DMD: variants seen among roughly 807,000 people sequenced by gnomAD.
The protein encoded by DMD is dystrophin, also known as mutant dystrophin.
In DMD, 63 loss-of-function variants were observed where a neutral mutation model predicts 330.1. The ratio of observed to expected loss-of-function variants is 0.19; its 90% CI spans 0.16 to 0.24. DMD has a LOEUF of 0.24. Ranked by LOEUF, DMD falls within the 10% of genes least tolerant of loss-of-function variation. The probability of loss-of-function intolerance (pLI) is 1.00; values close to 1 mark genes in which losing one functional copy is unlikely to be tolerated. For missense variants in DMD, 3,344 were observed against 2,684.1 expected (o/e 1.25, Z -5.43); for synonymous variants, 1,223 against 959.8 (o/e 1.27, Z -5.07).
intron 60 of DMD, among the ~76,000 whole-genome samples, chrX:31,442,402 C>T (rs1036532493): frequency 9.8e-5 from 11 of 111,700 alleles, no homozygotes; most frequent in Non-Finnish European, 1.7e-4. Context: ...CTATATCATA[C>T]TATCTCCTTA....
chrX:32,694,436 T>C (rs1251377190), intron 9 of DMD, among the ~76,000 whole-genome samples: 7 of 111,612 alleles, frequency 6.3e-5, no homozygotes, highest in Admixed American at 9.5e-5. Context: ...CCATCTTGGT[T>C]TGTGGCAACT....
At chrX:32,664,522 T>A (rs1313334224) in intron 9 of DMD, among the ~76,000 whole-genome samples, 2 of 110,608 alleles carry the variant, frequency 1.8e-5, no homozygotes, top group Non-Finnish European at 3.8e-5. Flanking sequence ...ATTACAGGCG[T>A]GAGCCACCGC....
At chrX:31,744,718 C>T (rs2087679014) in intron 51 of DMD, among the ~76,000 whole-genome samples, 1 of 112,292 alleles carries the variant, frequency 8.9e-6, no homozygotes, top group South Asian at 3.6e-4. Flanking sequence ...CATACTCCTC[C>T]TAATTTTGCA....
chrX:31,931,494 C>G (rs923823291), intron 46 of DMD, among the ~76,000 whole-genome samples: 1 of 110,325 alleles, frequency 9.1e-6, no homozygotes. Context: ...TCCCACACCC[C>G]CAGACAAATC....
At chrX:32,047,356 T>C (rs2096071267) in intron 44 of DMD, among the ~76,000 whole-genome samples, 1 of 111,464 alleles carries the variant, frequency 9.0e-6, no homozygotes, top group African/African-American at 3.3e-5. Context: ...ACATTATCTC[T>C]CCCATCCTAA....
At chrX:31,495,700 G>T (rs2069773549) in intron 57 of DMD, among the ~76,000 whole-genome samples, 1 of 111,505 alleles carries the variant, frequency 9.0e-6, no homozygotes, top group Non-Finnish European at 1.9e-5. Context: ...TTTTTTCATA[G>T]ACCTACCCCA....
Position 31,330,955 on chromosome X carries a change from G to A in DMD, c.9164-7297C>T, listed in dbSNP as rs193172305. On this transcript the variant is annotated intron_variant, in intron 61 of 78. Transcript: ENST00000357033. Reference sequence around the variant, plus strand: ...GGATAGTGCTTTATATGTCTATATCGTATATCAAAAGTAAAGATTCAATGA... The same window carrying A: ...GGATAGTGCTTTATATGTCTATATCATATATCAAAAGTAAAGATTCAATGA... Among the ~76,000 whole-genome samples the A allele has an allele frequency of 5.1e-3, 568 of 111,706 alleles. 4 individuals are homozygous for A. Among genetic ancestry groups the A allele is most frequent in the African/African-American group, 0.017 (531 of 30,807 alleles).
intron 2 of DMD, among the ~76,000 whole-genome samples, chrX:33,004,546 T>C (rs1398928594): frequency 8.9e-6 from 1 of 111,831 alleles, no homozygotes; most frequent in African/African-American, 3.2e-5. Flanking sequence ...CCCTAAGTTT[T>C]AATTTATAAT....
chrX:33,136,683 G>A (rs1442905670), intron 1 of DMD, among the ~76,000 whole-genome samples: 3 of 110,732 alleles, frequency 2.7e-5, no homozygotes, highest in Non-Finnish European at 5.7e-5. Context: ...AAAGGAAGAA[G>A]GCACCATCTG....
intron 55 of DMD, among the ~76,000 whole-genome samples, chrX:31,598,107 G>GT (rs11332231): frequency 1.4e-3 from 144 of 100,146 alleles, no homozygotes; most frequent in Middle Eastern, 5.1e-3. Context: ...TGTGTATCTT[G>GT]TTTTTTTTTT....
In DMD at chrX:32,486,600, ATAC is replaced by A. The variant is rs2042496908; in HGVS notation, c.2623-1504_2623-1502del. ...GCATCACACTACCTGACTTCAAACTATACTACAAGGCTACAGTAACCAAAACAG... is the reference window on the plus strand; with the variant it reads ...GCATCACACTACCTGACTTCAAACTATACAAGGCTACAGTAACCAAAACAG... On this transcript the variant is annotated intron_variant, in intron 20 of 78. Coordinates refer to ENST00000357033, the MANE Select transcript of DMD (RefSeq NM_004006.3). 3.6e-5 allele frequency among the ~76,000 whole-genome samples: 4 copies of A among 109,995 alleles called. No individual in the cohort carries two copies. The South Asian group carries it at 1.6e-3, about 43-fold the overall frequency.
At chrX:31,248,491 G>A (rs1360405176) in intron 63 of DMD, among the ~76,000 whole-genome samples, 1 of 111,721 alleles carries the variant, frequency 9.0e-6, no homozygotes, top group African/African-American at 3.3e-5. Flanking sequence ...ATGTCCTTCT[G>A]GTATCTTATC....
intron 54 of DMD, among the ~76,000 whole-genome samples, chrX:31,642,688 A>T (rs1396136693): frequency 9.0e-6 from 1 of 111,615 alleles, no homozygotes; most frequent in African/African-American, 3.3e-5. Flanking sequence ...AATTTATTTT[A>T]ATCCAATGTT....
chrX:33,218,467 C>T (rs184378679), intron 1 of DMD, among the ~76,000 whole-genome samples: 170 of 111,173 alleles, frequency 1.5e-3, no homozygotes, highest in African/African-American at 5.3e-3. Flanking sequence ...CATAAGAAAT[C>T]CTCTGCCATT....
chrX:31,670,687 A>G (rs914556157), intron 53 of DMD, among the ~76,000 whole-genome samples: 5 of 111,341 alleles, frequency 4.5e-5, no homozygotes, highest in African/African-American at 1.6e-4. Context: ...TAGCACTTTA[A>G]TCTCTAACTG....
At chrX:32,985,126 C>T (rs941370222) in intron 2 of DMD, among the ~76,000 whole-genome samples, 4 of 112,118 alleles carry the variant, frequency 3.6e-5, no homozygotes, top group African/African-American at 6.5e-5. Context: ...TAAAGAAATC[C>T]TAAGCTCTAC....
chrX:31,784,579 G>T (rs745922963), intron 50 of DMD, among the ~76,000 whole-genome samples: 148 of 111,852 alleles, frequency 1.3e-3, no homozygotes, highest in African/African-American at 4.7e-3. Context: ...GTAATTTTTG[G>T]ACTTTACAAT....
At chrX:31,693,907 A>T (rs1007511805) in intron 52 of DMD, among the ~76,000 whole-genome samples, 77 of 111,871 alleles carry the variant, frequency 6.9e-4, no homozygotes, top group Middle Eastern at 4.7e-3. Context: ...AATTTTTTTT[A>T]AAAAATCCTA....
At chrX:31,783,143 T>C (rs1437715085) in intron 50 of DMD, among the ~76,000 whole-genome samples, 1 of 111,656 alleles carries the variant, frequency 9.0e-6, no homozygotes, top group Non-Finnish European at 1.9e-5. Context: ...CTAGAGAACA[T>C]TGTGTAGTTC....
Sources: gnomAD v4.1 joint callset for allele counts (sites outside exome capture counted in the v4.1 genomes callset) on GRCh38, gnomAD v4.1.1 for gene constraint, MANE v1.5 for transcripts, NCBI Gene and HGNC (gene_info 2026-07-23, HGNC 2026-07-21) for gene names.